The following NRXN1 variants were observed in gnomAD, a reference collection of about 807,000 sequenced individuals.
NRXN1 encodes neurexin-1.
In NRXN1, 39 loss-of-function variants were observed where a neutral mutation model predicts 150.9. The ratio of observed to expected loss-of-function variants is 0.26; its 90% CI spans 0.20 to 0.34. The LOEUF is 0.34. Among genes scored for constraint, NRXN1 ranks in the 10% least tolerant of loss-of-function variants. NRXN1 has a pLI of 1.00. For synonymous variants in NRXN1, 924 were observed against 757.0 expected, an observed-to-expected ratio of 1.22 and a Z score of -3.62; for missense variants, 1,815 against 1,949.9, an observed-to-expected ratio of 0.93 and a Z score of 1.30.
intron 21 of NRXN1, among the ~76,000 whole-genome samples, chr2:50,027,645 T>C (rs1288798647): frequency 2.0e-5 from 3 of 152,150 alleles, no homozygotes; most frequent in Non-Finnish European, 4.4e-5. Flanking sequence ...TTTCCCAGCT[T>C]GGCCTTGAAC....
intron 2 of NRXN1, among the ~76,000 whole-genome samples, chr2:50,936,241 T>C (rs1688526298): frequency 6.6e-6 from 1 of 152,212 alleles, no homozygotes; most frequent in African/African-American, 2.4e-5. Context: ...ACTGGTCATC[T>C]GACATTTTAG....
chr2:50,136,402 C>T (rs906396549), intron 18 of NRXN1, among the ~76,000 whole-genome samples: 4 of 152,066 alleles, frequency 2.6e-5, no homozygotes, highest in Non-Finnish European at 5.9e-5. Flanking sequence ...TTCTAGGAGG[C>T]CTGGCTTACA....
intron 5 of NRXN1, among the ~76,000 whole-genome samples, chr2:50,674,749 AGTC>A (rs569912103): frequency 8.7e-4 from 133 of 152,200 alleles, no homozygotes; most frequent in African/African-American, 2.4e-3. Flanking sequence ...ATAATGGTGT[AGTC>A]AACACAGGGT....
At chr2:50,382,074 C>T (rs1285378069) in intron 17 of NRXN1, among the ~76,000 whole-genome samples, 3 of 151,942 alleles carry the variant, frequency 2.0e-5, no homozygotes, top group East Asian at 1.9e-4. Flanking sequence ...GCTCAATCTC[C>T]GACCAGAACT....
In NRXN1 at chr2:50,130,926, T is replaced by C. The variant is rs181391034; in HGVS notation, c.3547-39432A>G. ...CTTTTCCGGATGTAACGACTAATAA[T>C]ATTTAATATACAATTTTGACCAAAA... On this transcript the variant is annotated intron_variant, in intron 18 of 22. Coordinates refer to ENST00000401669, the MANE Select transcript of NRXN1 (RefSeq NM_001330078.2). Among the ~76,000 whole-genome samples the C allele has an allele frequency of 9.2e-5, 14 of 152,340 alleles. No homozygotes were observed. In the East Asian group the frequency reaches 2.3e-3, roughly 25 times the overall value.
At chr2:50,695,539 G>A (rs934327203) in intron 5 of NRXN1, among the ~76,000 whole-genome samples, 1 of 152,146 alleles carries the variant, frequency 6.6e-6, no homozygotes, top group Non-Finnish European at 1.5e-5. Context: ...AGTAACATTA[G>A]TCTATTTCCA....
intron 2 of NRXN1, among the ~76,000 whole-genome samples, chr2:51,011,346 C>T (rs1034335336): frequency 7.2e-5 from 11 of 151,964 alleles, no homozygotes; most frequent in Admixed American, 6.6e-4. Flanking sequence ...GGTGTAAGTG[C>T]TCCCCTGGGG....
intron 5 of NRXN1, among the ~76,000 whole-genome samples, chr2:50,756,342 T>G (rs1278111864): frequency 1.3e-5 from 2 of 151,592 alleles, no homozygotes. Context: ...CAAAGTGCAT[T>G]CTAGATGCCA....
At chr2:50,920,246 G>A (rs146780702) in intron 5 of NRXN1, among the ~76,000 whole-genome samples, 411 of 151,810 alleles carry the variant, frequency 2.7e-3, no homozygotes, top group African/African-American at 9.6e-3. Flanking sequence ...GAAAACTGGT[G>A]AAGTTAAAAA....
intron 22 of NRXN1, among the ~76,000 whole-genome samples, chr2:49,927,663 T>C (rs1299433783): frequency 6.6e-6 from 1 of 152,212 alleles, no homozygotes; most frequent in African/African-American, 2.4e-5. Context: ...TGATCTATGT[T>C]TTTGCAACTC....
At chr2:50,275,073 T>C (rs953130131) in intron 17 of NRXN1, among the ~76,000 whole-genome samples, 2 of 152,168 alleles carry the variant, frequency 1.3e-5, no homozygotes, top group Non-Finnish European at 2.9e-5. Context: ...ACCAAGAATA[T>C]CATCACTCCA....
intron 5 of NRXN1, among the ~76,000 whole-genome samples, chr2:50,722,048 G>T (rs943012674): frequency 2.6e-5 from 4 of 152,018 alleles, no homozygotes; most frequent in African/African-American, 9.7e-5. Context: ...GGCTCCCACT[G>T]CTCTTTAAAA....
intron 8 of NRXN1, among the ~76,000 whole-genome samples, chr2:50,555,226 A>G (rs1410073323): frequency 6.6e-6 from 1 of 152,190 alleles, no homozygotes; most frequent in East Asian, 1.9e-4. Flanking sequence ...CTCTTGATCA[A>G]TGCTAACACT....
At chr2:51,002,713 A>G (rs1428254175) in intron 2 of NRXN1, among the ~76,000 whole-genome samples, 1 of 151,942 alleles carries the variant, frequency 6.6e-6, no homozygotes, top group Non-Finnish European at 1.5e-5. Flanking sequence ...ATGACAAAAT[A>G]CAATTTTTGA....
At chr2:50,638,553 G>A (rs1210388770) in intron 5 of NRXN1, among the ~76,000 whole-genome samples, 6 of 152,140 alleles carry the variant, frequency 3.9e-5, no homozygotes, top group Non-Finnish European at 7.3e-5. Flanking sequence ...TCTTGAATAT[G>A]TAGTTATAAT....
At chr2:50,461,851 T>G (rs138978154) in intron 17 of NRXN1, among the ~76,000 whole-genome samples, 160 of 152,074 alleles carry the variant, frequency 1.1e-3, no homozygotes, top group African/African-American at 3.7e-3. Flanking sequence ...GCAGACATAG[T>G]GAAAGAATGC....
chr2:50,286,145 C>A (rs1405973134), intron 17 of NRXN1, among the ~76,000 whole-genome samples: 1 of 152,084 alleles, frequency 6.6e-6, no homozygotes, highest in Non-Finnish European at 1.5e-5. Context: ...GATGAAAACA[C>A]TTCACATCCA....
chr2:50,735,915 C>T (rs1428699524), intron 5 of NRXN1, among the ~76,000 whole-genome samples: 2 of 152,288 alleles, frequency 1.3e-5, no homozygotes, highest in East Asian at 1.9e-4. Context: ...GCAACTACTG[C>T]AATAGCTTTT....
chr2:50,904,063 C>G (rs757681898), intron 5 of NRXN1, among the ~76,000 whole-genome samples: 1 of 152,144 alleles, frequency 6.6e-6, no homozygotes, highest in Non-Finnish European at 1.5e-5. Context: ...TTTCCGCACT[C>G]TTAAGCCCCA....
Sources: gnomAD v4.1 joint callset for allele counts (sites outside exome capture counted in the v4.1 genomes callset) on GRCh38, gnomAD v4.1.1 for gene constraint, MANE v1.5 for transcripts, NCBI Gene and HGNC (gene_info 2026-07-23, HGNC 2026-07-21) for gene names.